The following R3HCC1L variants were observed in gnomAD, a reference collection of about 807,000 sequenced individuals.
R3HCC1L encodes R3H domain and coiled-coil containing 1 like.
In R3HCC1L, 51 loss-of-function variants were observed where a neutral mutation model predicts 59.9. That is an observed-to-expected ratio of 0.85 (90% confidence interval 0.68 to 1.07). R3HCC1L has a LOEUF of 1.07. Ranked by LOEUF, R3HCC1L falls within the 50% of genes least tolerant of loss-of-function variation. The pLI is 0.00. For missense variants in R3HCC1L, 965 were observed against 933.0 expected (o/e 1.03, Z -0.45); for synonymous variants, 322 against 315.2 (o/e 1.02, Z -0.23).
intron 5 of R3HCC1L, among the ~76,000 whole-genome samples, chr10:98,227,074 A>C (rs1298372353): frequency 6.6e-6 from 1 of 152,230 alleles, no homozygotes; most frequent in South Asian, 2.1e-4. Flanking sequence ...TCCTAAGCAG[A>C]GTGGAACTAA....
At chr10:98,212,638 T>A (rs1456245735) in intron 5 of R3HCC1L, among the ~76,000 whole-genome samples, 2 of 152,096 alleles carry the variant, frequency 1.3e-5, no homozygotes, top group African/African-American at 4.8e-5. Flanking sequence ...TGGCATGACT[T>A]TTTTTAGCCC....
chr10:98,136,854 G>C (rs1844638290), intron 1 of R3HCC1L, among the ~76,000 whole-genome samples: 1 of 152,212 alleles, frequency 6.6e-6, no homozygotes, highest in Non-Finnish European at 1.5e-5. Context: ...ACTAAGTTTG[G>C]ATTGAATTTT....
At chr10:98,174,021 A>C (rs1590549390) in intron 4 of R3HCC1L, among the ~76,000 whole-genome samples, 2 of 152,270 alleles carry the variant, frequency 1.3e-5, no homozygotes, top group East Asian at 3.9e-4. Flanking sequence ...TTGCTTTTTG[A>C]GCTTTAAAAA....
chr10:98,205,574 A>G (rs749153574), intron 4 of R3HCC1L, among the ~76,000 whole-genome samples: 1 of 152,222 alleles, frequency 6.6e-6, no homozygotes, highest in African/African-American at 2.4e-5. Context: ...ATCAAGTAAT[A>G]CTACAAAGGA....
rs375782098 is a variant in R3HCC1L at position 98,217,317 on chromosome 10, A to G, written c.1785+7418A>G. 1.2e-4 allele frequency among the ~76,000 whole-genome samples: 18 copies of G among 152,270 alleles called. No homozygotes were observed. In the South Asian group the frequency reaches 2.1e-3, roughly 18 times the overall value. On this transcript the variant is annotated intron_variant, in intron 5 of 9. Coordinates refer to ENST00000298999, the MANE Select transcript of R3HCC1L (RefSeq NM_001351015.2). Reference sequence around the variant, plus strand: ...GTTCTTGGTGCCTTTGTCGAAAATCAGTTGGCTGTAAATGCATGAACAGAA... The same window carrying G: ...GTTCTTGGTGCCTTTGTCGAAAATCGGTTGGCTGTAAATGCATGAACAGAA...
chr10:98,137,097 T>C (rs748137573), intron 1 of R3HCC1L, among the ~76,000 whole-genome samples: 4 of 151,876 alleles, frequency 2.6e-5, no homozygotes, highest in Non-Finnish European at 5.9e-5. Flanking sequence ...TGTAGTCCCA[T>C]GTCCTCAGGA....
chr10:98,186,368 T>C (rs556714759), intron 4 of R3HCC1L: 1 of 465,426 alleles, frequency 2.1e-6, no homozygotes, highest in African/African-American at 2.1e-5. Flanking sequence ...CTTGCTCTTT[T>C]GGAACAAAAA....
At chr10:98,228,233 C>T (rs1430599217) in intron 5 of R3HCC1L, among the ~76,000 whole-genome samples, 1 of 152,228 alleles carries the variant, frequency 6.6e-6, no homozygotes, top group Non-Finnish European at 1.5e-5. Flanking sequence ...TCCACATCCT[C>T]TCCAGCACCT....
chr10:98,149,677 C>T (rs1265141625), intron 1 of R3HCC1L, among the ~76,000 whole-genome samples: 6 of 152,086 alleles, frequency 3.9e-5, no homozygotes, highest in Non-Finnish European at 8.8e-5. Context: ...TAATTTTGTT[C>T]CATTGTAGTC....
chr10:98,228,816 C>T (rs1396188077), intron 5 of R3HCC1L, among the ~76,000 whole-genome samples: 1 of 152,174 alleles, frequency 6.6e-6, no homozygotes, highest in Non-Finnish European at 1.5e-5. Flanking sequence ...AGCCAGTTTT[C>T]CCAGCACCAT....
chr10:98,164,637 G>T (rs1464070861), intron 4 of R3HCC1L, among the ~76,000 whole-genome samples: 4 of 152,084 alleles, frequency 2.6e-5, no homozygotes, highest in Non-Finnish European at 5.9e-5. Context: ...CTGGGAAAAT[G>T]CTGTACTAAC....
At chr10:98,217,825 G>A (rs1854390572) in intron 5 of R3HCC1L, among the ~76,000 whole-genome samples, 1 of 150,822 alleles carries the variant, frequency 6.6e-6, no homozygotes. Flanking sequence ...TTCAACTAGT[G>A]TGCTATTGGT....
At position 98,244,765 on chromosome 10, in the gene R3HCC1L, T is replaced by C. The variant is rs1371452596; in HGVS notation, c.*607T>C. On this transcript the variant is annotated 3_prime_UTR_variant, in exon 10 of 10. Coordinates refer to ENST00000298999, the MANE Select transcript of R3HCC1L (RefSeq NM_001351015.2). ...GCTCAGTGCCTGGGACCGCTCCAGC[T>C]GCACTGCAGCCAGGGGGGATACCAG... The C allele has an allele frequency of 2.0e-5, 3 of 152,384 alleles. No individual in the cohort carries two copies. Among genetic ancestry groups the C allele is most frequent in the Admixed American group, 1.3e-4 (2 of 15,316 alleles). The allele number at this position is 152,384 out of a possible 1,614,324, so 9.4% of individuals were successfully genotyped here.
chr10:98,182,055 C>T (rs1363798691), intron 4 of R3HCC1L, among the ~76,000 whole-genome samples: 1 of 152,224 alleles, frequency 6.6e-6, no homozygotes, highest in Non-Finnish European at 1.5e-5. Flanking sequence ...TGTTCTGTTG[C>T]TGGCAAGGAG....
chr10:98,236,607 A>G (rs1856990568), intron 9 of R3HCC1L, among the ~76,000 whole-genome samples: 1 of 152,230 alleles, frequency 6.6e-6, no homozygotes, highest in Admixed American at 6.5e-5. Flanking sequence ...ACTGACGTTG[A>G]TGATAACAAC....
chr10:98,152,717 C>T lies in R3HCC1L; in HGVS notation c.-267-3376C>T, dbSNP rs1378421648. Among the ~76,000 whole-genome samples, 3 of 133,850 alleles carry T rather than the reference C, an allele frequency of 2.2e-5. 1 individual carries two copies. Among genetic ancestry groups the T allele is most frequent in the Non-Finnish European group, 5.1e-5 (3 of 58,774 alleles). 87.8% of individuals were successfully genotyped at this position (133,850 alleles called of 152,430 possible). ...GGAGGTGAGGAGCGTCTCTGCTGGG[C>T]CGCCCCGTCTGAGAAGTGAGGAGCC... On this transcript the variant is annotated intron_variant, in intron 1 of 9. Transcript: ENST00000298999.
In R3HCC1L at chr10:98,244,247, A is replaced by G; in HGVS notation, c.*89A>G. 1 of 1,258,632 alleles carries G rather than the reference A, an allele frequency of 7.9e-7. No individual in the cohort carries two copies. The highest frequency in any genetic ancestry group is 1.2e-6 in the Non-Finnish European group (1 of 867,948). 78.0% of individuals were successfully genotyped at this position (1,258,632 alleles called of 1,614,324 possible). On this transcript the variant is annotated 3_prime_UTR_variant, in exon 10 of 10. Transcript: ENST00000298999. ...ATGATCCTTCCAGAGCTCTATGTAC[A>G]TGCAGATGTGCATGTTAAAGAGATA...
chr10:98,179,136 G>A (rs1259019358), intron 4 of R3HCC1L, among the ~76,000 whole-genome samples: 1 of 152,156 alleles, frequency 6.6e-6, no homozygotes, highest in African/African-American at 2.4e-5. Flanking sequence ...TCCCTGTCTT[G>A]TGCCAGTTTT....
intron 7 of R3HCC1L, 95 bp downstream of exon 7, chr10:98,234,611 T>TA (rs778131967): frequency 1.1e-5 from 15 of 1,333,286 alleles, no homozygotes; most frequent in Non-Finnish European, 1.6e-5. Context: ...GTTGGCATCT[T>TA]ATTCAGCCAG....
Sources: allele counts gnomAD v4.1 joint callset (sites outside exome capture counted in the v4.1 genomes callset), GRCh38; gene constraint gnomAD v4.1.1; transcripts MANE v1.5; gene names NCBI Gene and HGNC (gene_info 2026-07-23, HGNC 2026-07-21).